Variants in MED27 observed in about 807,000 individuals in gnomAD.
MED27 encodes the protein mediator of RNA polymerase II transcription subunit 27.
In MED27, 30 loss-of-function variants were observed where a neutral mutation model predicts 38.2. The ratio of observed to expected loss-of-function variants is 0.79; its 90% CI spans 0.59 to 1.07. MED27 has a LOEUF of 1.07. MED27 is among the 50% of genes least tolerant of loss of function. The pLI is 0.00. For missense variants in MED27, 289 were observed against 397.5 expected, an observed-to-expected ratio of 0.73 and a Z score of 2.32; for synonymous variants, 122 against 153.5, an observed-to-expected ratio of 0.79 and a Z score of 1.52.
At chr9:131,863,189 A>G in intron 6 of MED27, 49 bp from the exon 7 acceptor site, 1 of 1,518,226 alleles carries the variant, frequency 6.6e-7, no homozygotes, top group South Asian at 1.1e-5. Context: ...AAGCTGGCAT[A>G]GAGAAAACAA....
chr9:132,027,478 AG>A (rs1454333104), intron 2 of MED27, among the ~76,000 whole-genome samples: 7 of 152,362 alleles, frequency 4.6e-5, no homozygotes, highest in African/African-American at 1.7e-4. Context: ...CAGCCTGAGC[AG>A]GCACACTCGT....
chr9:131,932,261 T>C (rs1234671432), intron 4 of MED27, among the ~76,000 whole-genome samples: 3 of 151,530 alleles, frequency 2.0e-5, no homozygotes, highest in Non-Finnish European at 4.4e-5. Flanking sequence ...TTAAACAATA[T>C]GCTCCTGAAT....
intron 4 of MED27, among the ~76,000 whole-genome samples, chr9:131,932,115 C>A (rs530093292): frequency 6.6e-6 from 1 of 151,858 alleles, no homozygotes; most frequent in African/African-American, 2.4e-5. Context: ...ACAGACCATA[C>A]GTTAGGTAAC....
chr9:131,983,791 A>G (rs1350025419), intron 3 of MED27, among the ~76,000 whole-genome samples: 2 of 152,208 alleles, frequency 1.3e-5, no homozygotes, highest in African/African-American at 4.8e-5. Flanking sequence ...TTCTAAATGG[A>G]TATCTTAATA....
At position 131,873,525 on chromosome 9, in the gene MED27, G is replaced by A. The variant is rs112923896; in HGVS notation, c.724-10385C>T. Among the ~76,000 whole-genome samples the A allele has an allele frequency of 2.7e-3, 410 of 152,288 alleles. 1 individual carries two copies. Among genetic ancestry groups the A allele is most frequent in the African/African-American group, 9.0e-3 (376 of 41,562 alleles). Reference sequence around the variant, plus strand: ...CGGATTTGTATGCCACAGGTTCAGCGGGCCTAGCAGCCTGGAGAGGAAACA... The same window carrying A: ...CGGATTTGTATGCCACAGGTTCAGCAGGCCTAGCAGCCTGGAGAGGAAACA... On this transcript the variant is annotated intron_variant, in intron 6 of 7. Coordinates refer to ENST00000292035, the MANE Select transcript of MED27 (RefSeq NM_004269.4).
chr9:131,938,757 G>GC (rs1255171283), intron 4 of MED27, among the ~76,000 whole-genome samples: 1 of 151,242 alleles, frequency 6.6e-6, no homozygotes, highest in East Asian at 1.9e-4. Flanking sequence ...TGTCACCCAG[G>GC]CTGGAGAGTG....
rs114195363 is a variant in MED27 at position 131,885,434 on chromosome 9, G to A, written c.682-1335C>T. Among the ~76,000 whole-genome samples, 1,296 of 152,176 alleles carry A rather than the reference G, an allele frequency of 8.5e-3. 20 individuals are homozygous for A. Among genetic ancestry groups the A allele is most frequent in the African/African-American group, 0.03 (1,230 of 41,506 alleles). The stretch of plus-strand genomic sequence containing the variant: ...AGAGTATTGAATCAATGGCTGGAGC[G>A]GGCCCAAGAGCCTGTTCCATTGTTT... On this transcript the variant is annotated intron_variant, in intron 5 of 7. Coordinates refer to ENST00000292035, the MANE Select transcript of MED27 (RefSeq NM_004269.4).
At chr9:131,981,823 A>G (rs940185898) in intron 3 of MED27, among the ~76,000 whole-genome samples, 2 of 152,176 alleles carry the variant, frequency 1.3e-5, no homozygotes, top group Non-Finnish European at 2.9e-5. Context: ...TCTAACAAAA[A>G]CAGTCCTCCA....
chr9:131,916,599 T>G (rs1250709786), intron 4 of MED27, among the ~76,000 whole-genome samples: 2 of 152,196 alleles, frequency 1.3e-5, no homozygotes. Flanking sequence ...TAATTTACAT[T>G]GTCTCTTTGT....
chr9:131,938,718 C>CTT (rs901000025), intron 4 of MED27, among the ~76,000 whole-genome samples: 1 of 145,286 alleles, frequency 6.9e-6, no homozygotes. Context: ...CTTTTTTTTT[C>CTT]TTTTTTTTTT....
At chr9:132,079,304 GGGGCACAGA>G (rs1158558543) in intron 1 of MED27, among the ~76,000 whole-genome samples, 2 of 152,132 alleles carry the variant, frequency 1.3e-5, no homozygotes, top group Non-Finnish European at 2.9e-5. Context: ...CAGACGTGAT[GGGGCACAGA>G]GGGCCTACAG....
intron 3 of MED27, among the ~76,000 whole-genome samples, chr9:131,976,330 C>A (rs935447617): frequency 6.6e-6 from 1 of 152,202 alleles, no homozygotes; most frequent in Non-Finnish European, 1.5e-5. Context: ...CATACCCCAG[C>A]AAAATGCTGC....
intron 2 of MED27, chr9:132,073,324 G>A: frequency 2.0e-6 from 2 of 988,272 alleles, no homozygotes; most frequent in Non-Finnish European, 2.4e-6. Context: ...ACCACGAAAG[G>A]GGTTGTAAAT....
At chr9:132,069,056 C>T (rs1833872173) in intron 2 of MED27, among the ~76,000 whole-genome samples, 1 of 152,210 alleles carries the variant, frequency 6.6e-6, no homozygotes, top group African/African-American at 2.4e-5. Flanking sequence ...AGACAATTTC[C>T]TTTCTATTCA....
At chr9:132,047,008 T>C (rs1789928925) in intron 2 of MED27, among the ~76,000 whole-genome samples, 1 of 152,194 alleles carries the variant, frequency 6.6e-6, no homozygotes, top group African/African-American at 2.4e-5. Context: ...CCTGGCTTCA[T>C]CCTTAAGCTG....
At chr9:132,069,239 A>G (rs1833879290) in intron 2 of MED27, among the ~76,000 whole-genome samples, 1 of 152,182 alleles carries the variant, frequency 6.6e-6, no homozygotes, top group Non-Finnish European at 1.5e-5. Flanking sequence ...GCAAGTTGAC[A>G]CACGTCCAGC....
At chr9:132,030,394 T>C (rs995856934) in intron 2 of MED27, among the ~76,000 whole-genome samples, 1 of 152,084 alleles carries the variant, frequency 6.6e-6, no homozygotes, top group African/African-American at 2.4e-5. Context: ...AGAGCCAAAA[T>C]AGTAAGAGCA....
intron 3 of MED27, among the ~76,000 whole-genome samples, chr9:131,985,763 C>CA (rs1311653620): frequency 1.3e-5 from 2 of 151,852 alleles, no homozygotes; most frequent in Non-Finnish European, 2.9e-5. Context: ...CATCCTCAGG[C>CA]AGGTCCTTCA....
chr9:131,862,054 T>C lies in MED27; in HGVS notation c.801+1009A>G, dbSNP rs1260060622. ...GAAGATGGTCAGGGGAACTGTTCCC[T>C]GGACACACAGAAGGACCACTCTGTG... On this transcript the variant is annotated intron_variant, in intron 7 of 7. Coordinates refer to ENST00000292035, the MANE Select transcript of MED27 (RefSeq NM_004269.4). This position sits in a 1 kb window ranked among gnomAD's most constrained non-coding sequence, Gnocchi z 4.6. Among the ~76,000 whole-genome samples, 1 of 152,304 alleles carries C rather than the reference T, an allele frequency of 6.6e-6. No individual in the cohort carries two copies. Among genetic ancestry groups the C allele is most frequent in the Admixed American group, 6.5e-5 (1 of 15,300 alleles).
Sources: gnomAD v4.1 joint callset for allele counts (sites outside exome capture counted in the v4.1 genomes callset) on GRCh38, gnomAD v4.1.1 for gene constraint, Gnocchi (gnomAD v3.1) non-coding constraint, MANE v1.5 for transcripts, NCBI Gene and HGNC (gene_info 2026-07-23, HGNC 2026-07-21) for gene names.